Variants in NBPF14 observed in about 807,000 individuals in gnomAD.
NBPF14 encodes the protein NBPF family member NBPF14.
A neutral mutation model predicts 91.2 loss-of-function variants in NBPF14; 104 were observed. The ratio of observed to expected loss-of-function variants is 1.14; its 90% confidence interval spans 0.97 to 1.34. NBPF14 has a LOEUF of 1.34. NBPF14 is among the 40% of genes most tolerant of loss of function. NBPF14 has a pLI of 0.00. For missense variants in NBPF14, 908 were observed against 783.0 expected (o/e 1.16, Z -1.91); for synonymous variants, 294 against 303.8 (o/e 0.97, Z 0.34).
chr1:148,584,226 T>C (rs1428855446), intron 11 of NBPF14, among the ~76,000 whole-genome samples: 5 of 152,354 alleles, frequency 3.3e-5, no homozygotes, highest in Admixed American at 3.3e-4. Context: ...ATACTGCCTG[T>C]GCACCTCCTG....
chr1:148,538,255 G>C (rs1460696963), intron 64 of NBPF14, among the ~76,000 whole-genome samples: 2 of 69,902 alleles, frequency 2.9e-5, no homozygotes, highest in Non-Finnish European at 5.6e-5. Context: ...CACAGAGAGA[G>C]AGAGAACGAG....
At chr1:148,535,098 G>A (rs1468247746) in intron 68 of NBPF14, among the ~76,000 whole-genome samples, 5 of 146,284 alleles carry the variant, frequency 3.4e-5, no homozygotes, top group Admixed American at 6.8e-5. Flanking sequence ...GAATTGGCCG[G>A]GTGACACACT....
At chr1:148,586,923 T>G (rs1362556183) in intron 8 of NBPF14, among the ~76,000 whole-genome samples, 1 of 144,220 alleles carries the variant, frequency 6.9e-6, no homozygotes, top group Non-Finnish European at 1.5e-5. Context: ...CAACATTGAT[T>G]GAGTGAAAGA....
Position 148,556,794 on chromosome 1 carries a change from G to C in NBPF14, c.5075C>G (p.Ser1692Ter). The change falls in exon 41 of 71, where the codon TCA (serine) becomes TGA (stop). Residue 1692 changes from serine (S) to a stop codon, truncating the protein, a stop_gained. Coordinates refer to ENST00000619423, the Ensembl canonical transcript of NBPF14. LOFTEE classifies it high-confidence loss of function. ...CTGTTCAAGACAACTGGAAGGAGTTGAATAACATCTATCCAGTGAGTCCTG... is the reference window on the plus strand; with the variant it reads ...CTGTTCAAGACAACTGGAAGGAGTTCAATAACATCTATCCAGTGAGTCCTG... The C allele has an allele frequency of 5.0e-6, 1 of 198,370 alleles. No individual in the cohort carries two copies. 12.3% of individuals were successfully genotyped at this position (198,370 alleles called of 1,614,324 possible). A position where few individuals can be genotyped will look rare whatever the true frequency, so the allele number is the denominator to read the frequency against.
At chr1:148,576,760 C>G (rs1483262689) in intron 15 of NBPF14, among the ~76,000 whole-genome samples, 2 of 147,986 alleles carry the variant, frequency 1.4e-5, no homozygotes, top group African/African-American at 4.9e-5. Flanking sequence ...CAATTGCCCC[C>G]AAATGGTTGC....
At chr1:148,561,864 G>T (rs1235591925) in intron 34 of NBPF14, among the ~76,000 whole-genome samples, 2 of 134,446 alleles carry the variant, frequency 1.5e-5, no homozygotes, top group East Asian at 2.1e-4. Context: ...TCAGTGAATT[G>T]TCCAGGTGAC....
intron 20 of NBPF14, among the ~76,000 whole-genome samples, chr1:148,572,904 G>A (rs1364480007): frequency 6.8e-5 from 1 of 14,628 alleles, no homozygotes. Flanking sequence ...AGGACACTCT[G>A]AGTTAGTGCC....
At chr1:148,542,961 CAGAGAGAG>C (rs1160999375) in intron 58 of NBPF14, among the ~76,000 whole-genome samples, 1,313 of 15,140 alleles carry the variant, frequency 0.087, no homozygotes, top group African/African-American at 0.12. Context: ...CACACACACA[CAGAGAGAG>C]AGAGAACGAG....
chr1:148,593,915 A>G (rs1553798019), intron 2 of NBPF14, among the ~76,000 whole-genome samples: 70 of 149,496 alleles, frequency 4.7e-4, no homozygotes, highest in Admixed American at 2.4e-3. Context: ...ACTCAAGGGC[A>G]CATCAAGGAA....
chr1:148,585,367 G>A (rs1661341028), intron 9 of NBPF14, among the ~76,000 whole-genome samples, 154 bp from the exon 10 acceptor site: 2 of 151,926 alleles, frequency 1.3e-5, no homozygotes, highest in Non-Finnish European at 2.9e-5. Context: ...GCCCTGCCAT[G>A]GTTTCCTGAT....
chr1:148,578,935 C>T (rs1331059940), intron 13 of NBPF14, 139 bp downstream of exon 13: 36 of 688,172 alleles, frequency 5.2e-5, no homozygotes, highest in African/African-American at 3.4e-4. Context: ...TCCAGAGTGA[C>T]TGAAATCTAC....
At chr1:148,533,904 C>G in exon 70 of NBPF14, 1 of 754,852 alleles carries the variant, frequency 1.3e-6, no homozygotes, top group Non-Finnish European at 2.4e-6. Context: ...TCTTTTCTTC[C>G]CCTTCTTCTT....
intron 21 of NBPF14, 77 bp downstream of exon 21, chr1:148,572,366 G>A: frequency 2.9e-6 from 1 of 347,066 alleles, no homozygotes; most frequent in South Asian, 2.4e-5. Context: ...GGTCAGTAAG[G>A]GGCACTTGGA....
intron 27 of NBPF14, among the ~76,000 whole-genome samples, 159 bp downstream of exon 27, chr1:148,567,553 TC>T: frequency 2.0e-4 from 1 of 4,990 alleles, no homozygotes; most frequent in Non-Finnish European, 4.4e-4. Flanking sequence ...TGTCTAGGCT[TC>T]CAACTGAGAC....
At chr1:148,578,953 T>C (rs1660506360) in intron 13 of NBPF14, 121 bp downstream of exon 13, 4 of 680,228 alleles carry the variant, frequency 5.9e-6, no homozygotes, top group Non-Finnish European at 1.1e-5. Context: ...TACATTGATA[T>C]ATAGGTTCAG....
exon 17 of NBPF14, chr1:148,575,803 C>T (rs1659582901): frequency 2.9e-5 from 9 of 306,376 alleles, no homozygotes; most frequent in South Asian, 1.6e-4. Flanking sequence ...CAGCAGCTCC[C>T]TGCTGAGCCT....
chr1:148,576,104 G>A (rs1177868436), intron 16 of NBPF14, among the ~76,000 whole-genome samples: 4 of 134,922 alleles, frequency 3.0e-5, no homozygotes, highest in East Asian at 4.6e-4. Context: ...TAGTGCCCTC[G>A]GGACACACAG....
intron 28 of NBPF14, 48 bp from the exon 29 acceptor site, chr1:148,566,363 C>A: frequency 5.3e-6 from 4 of 754,430 alleles, no homozygotes; most frequent in Non-Finnish European, 9.6e-6. Context: ...AAATCAGACA[C>A]AACAGAGCCT....
At position 148,559,976 on chromosome 1, in the gene NBPF14, G is replaced by A. The variant is rs1339546972; in HGVS notation, c.4557-11C>T. 8 of 1,281,810 alleles carry A rather than the reference G, an allele frequency of 6.2e-6. No individual in the cohort carries two copies. The highest frequency in any genetic ancestry group is 1.3e-5 in the South Asian group (1 of 78,840). 79.4% of individuals were successfully genotyped at this position (1,281,810 alleles called of 1,614,324 possible). A position where few individuals can be genotyped will look rare whatever the true frequency, so the allele number is the denominator to read the frequency against. ...AGCTCCCTGCTGAGCCTGGAAAAGT[G>A]GAAAAAAGTAAAGAATAAGCCAGGG... On this transcript the variant is annotated splice_polypyrimidine_tract_variant and intron_variant, in intron 36 of 70. Coordinates refer to ENST00000619423, the Ensembl canonical transcript of NBPF14.
Sources: allele counts gnomAD v4.1 joint callset (sites outside exome capture counted in the v4.1 genomes callset), GRCh38; gene constraint gnomAD v4.1.1; transcripts MANE v1.5; gene names NCBI Gene and HGNC (gene_info 2026-07-23, HGNC 2026-07-21).